CPT1C: variants seen among roughly 807,000 people sequenced by gnomAD.
CPT1C encodes palmitoyl thioesterase CPT1C.
In CPT1C, 61 loss-of-function variants were observed where a neutral mutation model predicts 97.3. The observed-to-expected ratio is 0.63, with a 90% CI of 0.51 to 0.78. The LOEUF is 0.78. Among genes scored for constraint, CPT1C ranks in the 30% least tolerant of loss-of-function variants. The probability of loss-of-function intolerance (pLI) is 0.00; values close to 1 mark genes in which losing one functional copy is unlikely to be tolerated. For missense variants in CPT1C, 975 were observed against 1,065.5 expected (o/e 0.92, Z 1.18); for synonymous variants, 469 against 447.2 (o/e 1.05, Z -0.61).
At chr19:49,693,661 C>T (rs61189653) in intron 3 of CPT1C, among the ~76,000 whole-genome samples, 19,198 of 152,100 alleles carry the variant, frequency 0.13, 1,329 homozygotes, top group Middle Eastern at 0.23. Context: ...TGCGGGCTCA[C>T]GGCTTTAATC....
At chr19:49,701,874 ATATAAATATATATATTTATT>A (rs928114153) in intron 7 of CPT1C, among the ~76,000 whole-genome samples, 7 of 112,182 alleles carry the variant, frequency 6.2e-5, no homozygotes, top group East Asian at 4.4e-4. Flanking sequence ...TATAGTGTAT[ATATAAATATATATATTTATT>A]TATAAATATA....
Position 49,713,426 on chromosome 19 carries a change from C to G in CPT1C, c.2233C>G (p.His745Asp). ...SKKSSTKTDS[H>D]RLGQHIEDAL... ...TGACCTGTTCTCCTTCCAGGATTCC[C>G]ACAGGCTGGGGCAGCACATTGAGGA... The change falls in exon 20 of 20, where the codon CAC (histidine) becomes GAC (aspartate). Residue 745 changes from histidine to aspartate, a missense_variant. Physicochemically the swap from His to Asp is moderately conservative, Grantham distance 81. Coordinates refer to ENST00000598293, the MANE Select transcript of CPT1C (RefSeq NM_001199753.2). The G allele has an allele frequency of 3.7e-6, 6 of 1,610,430 alleles. No individual in the cohort carries two copies. Among genetic ancestry groups the G allele is most frequent in the Non-Finnish European group, 5.1e-6 (6 of 1,178,404 alleles).
Position 49,704,759 on chromosome 19 carries a change from T to G in CPT1C, c.743T>G (p.Leu248Arg). 6.2e-7 allele frequency: 1 copy of G among 1,613,990 alleles called. No homozygotes were observed. Among genetic ancestry groups the G allele is most frequent in the Non-Finnish European group, 8.5e-7 (1 of 1,179,990 alleles). ...EFVYLRSRNP[L>R]MVNSNYYMMD... ...GTGTACCTGCGCTCCCGAAATCCGC[T>G]GATGGTGAACAGCAACTATTACATG... Residue 248 changes from leucine (L) to arginine (R), a missense_variant, in exon 8 of 20, where the codon CTG becomes CGG. By Grantham distance (102) the Leu-to-Arg change is moderately radical. This residue lies in a region of CPT1C where 596 missense variants were observed against 603.1 expected (regional missense o/e 0.99). Coordinates refer to ENST00000598293, the MANE Select transcript of CPT1C (RefSeq NM_001199753.2).
chr19:49,690,776 ATCCCTCC>A (rs1187030546), upstream of CPT1C: 8 of 351,296 alleles, frequency 2.3e-5, no homozygotes, highest in Non-Finnish European at 4.1e-5. The surrounding 1 kb of genome is among the most constrained non-coding windows in gnomAD (Gnocchi z 4.4). Flanking sequence ...ACCCCCAAAC[ATCCCTCC>A]TCCCTCCCTG....
intron 7 of CPT1C, 146 bp downstream of exon 7, chr19:49,701,780 C>T (rs1451696473): frequency 3.3e-6 from 2 of 597,700 alleles, no homozygotes; most frequent in South Asian, 3.6e-5. Flanking sequence ...CCCTGAGCCC[C>T]GCTCACATAC....
intron 3 of CPT1C, among the ~76,000 whole-genome samples, chr19:49,693,352 T>C (rs866434892): frequency 1.1e-4 from 16 of 152,086 alleles, no homozygotes; most frequent in South Asian, 2.1e-4. Context: ...GGGGTCATGA[T>C]TGAGTTTGAA....
chr19:49,702,556 G>T (rs2083236398), intron 7 of CPT1C, among the ~76,000 whole-genome samples: 2 of 151,436 alleles, frequency 1.3e-5, no homozygotes, highest in South Asian at 4.2e-4. Flanking sequence ...GGAGGCAGAG[G>T]TGGCACTGAA....
rs532406714 is a variant in CPT1C at position 49,691,508 on chromosome 19, C to T, written c.-84+168C>T. On this transcript the variant is annotated intron_variant, in intron 1 of 19. Transcript: ENST00000598293. Reference sequence around the variant, plus strand: ...CAGTGGGTGCTTCCTTCCCCATTCCCTCCAGCACGGGCGGGGGGAGGGGAC... The same window carrying T: ...CAGTGGGTGCTTCCTTCCCCATTCCTTCCAGCACGGGCGGGGGGAGGGGAC... The T allele has an allele frequency of 2.0e-5, 3 of 152,240 alleles. No homozygotes were observed. The East Asian group carries it at 5.8e-4, about 29-fold the overall frequency. The allele number at this position is 152,240 out of a possible 1,614,324, so 9.4% of individuals were successfully genotyped here.
chr19:49,698,986 C>T (rs1303392274), intron 4 of CPT1C, among the ~76,000 whole-genome samples: 1 of 151,896 alleles, frequency 6.6e-6, no homozygotes, highest in East Asian at 1.9e-4. Flanking sequence ...GCTTGTAATC[C>T]CAGCTACTTG....
intron 7 of CPT1C, among the ~76,000 whole-genome samples, chr19:49,702,138 A>T (rs200240533): frequency 0.038 from 2,782 of 72,410 alleles, 497 homozygotes; most frequent in South Asian, 0.11. Flanking sequence ...ATTATAAATA[A>T]ATATATATTT....
At chr19:49,701,953 A>AATATAAATATT (rs1312843488) in intron 7 of CPT1C, among the ~76,000 whole-genome samples, 1,865 of 78,112 alleles carry the variant, frequency 0.024, 13 homozygotes, top group Middle Eastern at 0.033. Flanking sequence ...TTTATATATA[A>AATATAAATATT]ATATATTTAT....
rs1420499290 is a variant in CPT1C at position 49,705,032 on chromosome 19, C to A, written c.797C>A (p.Pro266His). 2 of 1,607,218 alleles carry A rather than the reference C, an allele frequency of 1.2e-6. No individual in the cohort carries two copies. Among genetic ancestry groups the A allele is most frequent in the South Asian group, 2.2e-5 (2 of 90,748 alleles). ...MMDFLYVTPT[P>H]LQAARAGNAV... is the part of the protein sequence containing the mutation. ...GACTTCCTGTATGTCACACCCACGC[C>A]TCTGCAGGCAGCTCGCGCTGGGAAT... Residue 266 changes from proline (P) to histidine (H), a missense_variant, in exon 9 of 20, where the codon CCT (proline) becomes CAT (histidine). Physicochemically the swap from Pro to His is moderately conservative, Grantham distance 77. Transcript: ENST00000598293.
intron 14 of CPT1C, among the ~76,000 whole-genome samples, chr19:49,709,549 A>G (rs1427254564): frequency 6.9e-6 from 1 of 144,208 alleles, no homozygotes; most frequent in Admixed American, 7.0e-5. Flanking sequence ...TGCCATCCCT[A>G]TCCCCATTTT....
intron 3 of CPT1C, among the ~76,000 whole-genome samples, chr19:49,693,761 T>TA (rs1420982271): frequency 9.2e-5 from 14 of 151,572 alleles, no homozygotes; most frequent in African/African-American, 3.1e-4. Flanking sequence ...CCATCTCTAT[T>TA]AAAAAAATAA....
At chr19:49,694,412 C>T (rs971995776) in intron 3 of CPT1C, among the ~76,000 whole-genome samples, 16 of 151,984 alleles carry the variant, frequency 1.1e-4, no homozygotes, top group African/African-American at 1.9e-4. Context: ...AGACAGATCA[C>T]GAAGTCAGGA....
intron 4 of CPT1C, among the ~76,000 whole-genome samples, chr19:49,700,104 G>C (rs892144850): frequency 6.6e-6 from 1 of 151,610 alleles, no homozygotes; most frequent in East Asian, 1.9e-4. Context: ...ACAAATAGCC[G>C]GGCGTGGTGG....
chr19:49,711,636 C>G (rs2083893506), intron 16 of CPT1C, 173 bp from the exon 17 acceptor site: 1 of 702,074 alleles, frequency 1.4e-6, no homozygotes, highest in Non-Finnish European at 2.3e-6. Context: ...GCTGTGTGAA[C>G]CTGGCCAAAT....
chr19:49,698,542 A>G (rs1286310685), intron 4 of CPT1C, among the ~76,000 whole-genome samples: 2 of 151,824 alleles, frequency 1.3e-5, no homozygotes, highest in Non-Finnish European at 2.9e-5. Context: ...GCGCGCCTGT[A>G]GTCCCAGCTA....
rs776886864 is a variant in CPT1C at position 49,705,224 on chromosome 19, T to A, written c.890T>A (p.Met297Lys). ...CACGGTTTCCTGCAGACTTTGCTGA[T>A]GGGAATGCGCCCCTTATGCTCTGCC... ...NRQEIPPTLL[M>K]GMRPLCSAQY... Residue 297 changes from methionine (M) to lysine (K), a missense_variant, in exon 10 of 20, where the codon ATG becomes AAG. Physicochemically the swap from Met to Lys is moderately conservative, Grantham distance 95. Around this residue, in one of 3 missense-constraint regions of CPT1C, gnomAD observed 596 missense variants for 603.1 expected, o/e 0.99. Coordinates refer to ENST00000598293, the MANE Select transcript of CPT1C (RefSeq NM_001199753.2). 2 of 1,614,044 alleles carry A rather than the reference T, an allele frequency of 1.2e-6. No individual in the cohort carries two copies. Among genetic ancestry groups the A allele is most frequent in the South Asian group, 2.2e-5 (2 of 91,084 alleles).
Sources: gnomAD v4.1 joint callset for allele counts (sites outside exome capture counted in the v4.1 genomes callset) on GRCh38, gnomAD v4.1.1 for gene constraint, gnomAD v4.1.1 regional missense constraint, Gnocchi (gnomAD v3.1) non-coding constraint, MANE v1.5 for transcripts, NCBI Gene and HGNC (gene_info 2026-07-23, HGNC 2026-07-21) for gene names.